LDLRAP1: variants seen among roughly 807,000 people sequenced by gnomAD.
LDLRAP1 encodes the protein low density lipoprotein receptor adaptor protein 1.
A neutral mutation model predicts 37.8 loss-of-function variants in LDLRAP1; 30 were observed. The observed-to-expected ratio is 0.79, with a 90% CI of 0.59 to 1.08. The LOEUF is 1.08. Ranked by LOEUF, LDLRAP1 falls within the 50% of genes least tolerant of loss-of-function variation. The pLI is 0.00. For missense variants in LDLRAP1, 375 were observed against 401.6 expected, an observed-to-expected ratio of 0.93 and a Z score of 0.57; for synonymous variants, 156 against 169.8, an observed-to-expected ratio of 0.92 and a Z score of 0.63.
the LDLRAP1 span, among the ~76,000 whole-genome samples, chr1:25,588,643 T>A: frequency 6.6e-6 from 1 of 152,204 alleles, no homozygotes; most frequent in Admixed American, 6.5e-5. Flanking sequence ...TAATGATCAG[T>A]AAATACTAAG....
rs1252839122 is a variant in LDLRAP1 at position 25,563,090 on chromosome 1, G to A, written c.553G>A (p.Ala185Thr). 1.2e-6 allele frequency: 2 copies of A among 1,614,092 alleles called. No individual in the cohort carries two copies. The highest frequency in any genetic ancestry group is 1.7e-6 in the Non-Finnish European group (2 of 1,180,002). ...TGCAGAGAAAGAGAAGAGGGACAAAGCCAGCCAAGAGGGAGGGGACGTCCT... is the reference window on the plus strand; with the variant it reads ...TGCAGAGAAAGAGAAGAGGGACAAAACCAGCCAAGAGGGAGGGGACGTCCT... ...SKEEKEKRDK[A>T]SQEGGDVLGA... Residue 185 changes from alanine to threonine, a missense_variant, in exon 6 of 9, where the codon GCC (alanine) becomes ACC (threonine). Transcript: ENST00000374338.
Position 25,566,646 on chromosome 1 carries a change from C to A in LDLRAP1, c.783-202C>A, listed in dbSNP as rs141317181. 3.0e-4 allele frequency among the ~76,000 whole-genome samples: 46 copies of A among 152,220 alleles called. No individual in the cohort carries two copies. In the East Asian group the frequency reaches 8.5e-3, roughly 28 times the overall value. On this transcript the variant is annotated intron_variant, in intron 8 of 8. Transcript: ENST00000374338. ...TGGCCTCTCCCGGGGGTGGGTGCAC[C>A]GCTGGCTGCCCCTGACTTTTCTGAG...
intron 8 of LDLRAP1, among the ~76,000 whole-genome samples, chr1:25,566,502 C>T (rs911009215): frequency 1.3e-5 from 2 of 152,262 alleles, no homozygotes; most frequent in Admixed American, 6.5e-5. Context: ...AAGAATCTTC[C>T]GTGTTCCCTC....
chr1:25,556,842 A>G (rs1414300586), intron 3 of LDLRAP1, among the ~76,000 whole-genome samples: 1 of 152,210 alleles, frequency 6.6e-6, no homozygotes, highest in Non-Finnish European at 1.5e-5. Context: ...CTCTTGGCAC[A>G]TTGCCTGGTA....
chr1:25,567,200 ATATT>A lies in LDLRAP1; in HGVS notation c.*213_*216del. On this transcript the variant is annotated 3_prime_UTR_variant, in exon 9 of 9. Coordinates refer to ENST00000374338, the MANE Select transcript of LDLRAP1 (RefSeq NM_015627.3). ...CTCTGAGAACCAAAAGATGCCTTGA[ATATT>A]TATTCAGTGACTTCTGGCTTATGCT... 1.6e-6 allele frequency: 1 copy of A among 632,044 alleles called. No homozygotes were observed. Among genetic ancestry groups the A allele is most frequent in the Non-Finnish European group, 2.8e-6 (1 of 356,998 alleles). 39.2% of individuals were successfully genotyped at this position (632,044 alleles called of 1,614,324 possible).
Position 25,543,655 on chromosome 1 carries a change from C to G in LDLRAP1, c.-44C>G, listed in dbSNP as rs988408941. The G allele has an allele frequency of 1.7e-6, 2 of 1,187,664 alleles. No individual in the cohort carries two copies. Among genetic ancestry groups the G allele is most frequent in the African/African-American group, 1.6e-5 (1 of 62,890 alleles). The allele number at this position is 1,187,664 out of a possible 1,614,324, so 73.6% of individuals were successfully genotyped here. Reference sequence around the variant, plus strand: ...GGGCCGGGCGGAAAGTTTTTCCTGACGGAGTTTTGGCTGCGGCAGCGGCGG... The same window carrying G: ...GGGCCGGGCGGAAAGTTTTTCCTGAGGGAGTTTTGGCTGCGGCAGCGGCGG... On this transcript the variant is annotated 5_prime_UTR_variant, in exon 1 of 9. Coordinates refer to ENST00000374338, the MANE Select transcript of LDLRAP1 (RefSeq NM_015627.3).
At chr1:25,552,877 AACTCTCCTTGTGG>A (rs2044105904) in intron 1 of LDLRAP1, among the ~76,000 whole-genome samples, 1 of 152,106 alleles carries the variant, frequency 6.6e-6, no homozygotes, top group Admixed American at 6.5e-5. Context: ...GCTTTTAGAG[AACTCTCCTTGTGG>A]ACTCTGTTCT....
At chr1:25,590,093 C>G in the LDLRAP1 span, 2 of 152,264 alleles carry the variant, frequency 1.3e-5, no homozygotes, top group Non-Finnish European at 2.9e-5. Context: ...AAGAGGGAGA[C>G]TCCGTCTCTA....
At chr1:25,571,092 T>C (rs1202659347), downstream of LDLRAP1, among the ~76,000 whole-genome samples, 1 of 152,202 alleles carries the variant, frequency 6.6e-6, no homozygotes, top group Non-Finnish European at 1.5e-5. Flanking sequence ...GGATTTCCAC[T>C]GCACAGTGCC....
chr1:25,582,583 C>CA, the LDLRAP1 span, among the ~76,000 whole-genome samples: 3,678 of 124,942 alleles, frequency 0.029, 145 homozygotes, highest in African/African-American at 0.086. Flanking sequence ...GACCCCATCT[C>CA]AAAAAAAAAA....
At chr1:25,561,855 A>G (rs572478840) in intron 4 of LDLRAP1, among the ~76,000 whole-genome samples, 82 of 151,986 alleles carry the variant, frequency 5.4e-4, no homozygotes, top group African/African-American at 1.9e-3. Flanking sequence ...AAGCTGGGGG[A>G]AACACAGGCA....
At chr1:25,589,304 A>AAAAG in the LDLRAP1 span, among the ~76,000 whole-genome samples, 352 of 149,052 alleles carry the variant, frequency 2.4e-3, 2 homozygotes, top group South Asian at 6.5e-3. Flanking sequence ...ACTCCATCTC[A>AAAAG]AAAGAAAGAA....
Position 25,563,944 on chromosome 1 carries a change from G to A in LDLRAP1, c.747+153G>A, listed in dbSNP as rs1453409780. 5 of 906,956 alleles carry A rather than the reference G, an allele frequency of 5.5e-6. No homozygotes were observed. The Middle Eastern group carries it at 8.6e-4, about 155-fold the overall frequency. The allele number at this position is 906,956 out of a possible 1,614,324, so 56.2% of individuals were successfully genotyped here. A position where few individuals can be genotyped will look rare whatever the true frequency, so the allele number is the denominator to read the frequency against. On this transcript the variant is annotated intron_variant, in intron 7 of 8. Transcript: ENST00000374338. ...GGTAGTGCCCAGGCGCAGGATAGGGGATGAACAATGTCCCTTTTGAACCTG... is the reference window on the plus strand; with the variant it reads ...GGTAGTGCCCAGGCGCAGGATAGGGAATGAACAATGTCCCTTTTGAACCTG...
intron 1 of LDLRAP1, among the ~76,000 whole-genome samples, chr1:25,548,198 G>A (rs145470122): frequency 3.3e-4 from 51 of 152,314 alleles, no homozygotes; most frequent in Middle Eastern, 6.8e-3. Context: ...TCATGGACAC[G>A]TTAAATCTCT....
chr1:25,579,846 CG>C, the LDLRAP1 span, among the ~76,000 whole-genome samples: 1 of 152,166 alleles, frequency 6.6e-6, no homozygotes, highest in Non-Finnish European at 1.5e-5. Flanking sequence ...CATCCCTGAA[CG>C]CTAACTGGAT....
chr1:25,555,062 AC>A lies in LDLRAP1; in HGVS notation c.344+92del. ...CTGAATCCAGGCTCTACCACTTCCT[AC>A]CTGGGTGACATTGGAGCCTCAGTTT... On this transcript the variant is annotated intron_variant, in intron 3 of 8. Transcript: ENST00000374338. The surrounding 1 kb of genome is among the most constrained non-coding windows in gnomAD (Gnocchi z 4.7). 2.2e-6 allele frequency: 2 copies of A among 921,236 alleles called. No individual in the cohort carries two copies. Among genetic ancestry groups the A allele is most frequent in the Non-Finnish European group, 3.5e-6 (2 of 564,108 alleles). 57.1% of individuals were successfully genotyped at this position (921,236 alleles called of 1,614,324 possible). A position where few individuals can be genotyped will look rare whatever the true frequency, so the allele number is the denominator to read the frequency against.
chr1:25,556,410 G>T (rs546548566), intron 3 of LDLRAP1, among the ~76,000 whole-genome samples: 1 of 152,114 alleles, frequency 6.6e-6, no homozygotes, highest in Non-Finnish European at 1.5e-5. Flanking sequence ...GTCTCCTCCC[G>T]GGCCCACTGG....
chr1:25,569,363 G>T (rs2044569947), downstream of LDLRAP1, among the ~76,000 whole-genome samples: 1 of 152,170 alleles, frequency 6.6e-6, no homozygotes, highest in Non-Finnish European at 1.5e-5. Flanking sequence ...TCCAGGCGTG[G>T]CCCAGATGAA....
chr1:25,577,193 G>T, the LDLRAP1 span, among the ~76,000 whole-genome samples: 1 of 152,326 alleles, frequency 6.6e-6, no homozygotes, highest in East Asian at 1.9e-4. Context: ...CATTTAATTA[G>T]AATTATTTAA....
Sources: allele counts gnomAD v4.1 joint callset (sites outside exome capture counted in the v4.1 genomes callset), GRCh38; gene constraint gnomAD v4.1.1; non-coding constraint Gnocchi (gnomAD v3.1); transcripts MANE v1.5; gene names NCBI Gene and HGNC (gene_info 2026-07-23, HGNC 2026-07-21).